DCC: variants seen among roughly 807,000 people sequenced by gnomAD.
DCC encodes DCC netrin 1 receptor.
A neutral mutation model predicts 172.5 loss-of-function variants in DCC; 58 were observed. That is an observed-to-expected ratio of 0.34 (90% CI 0.27 to 0.42). The LOEUF is 0.42. Ranked by LOEUF, DCC falls within the 10% of genes least tolerant of loss-of-function variation. DCC has a pLI of 1.00. For synonymous variants in DCC, 709 were observed against 644.5 expected (o/e 1.10, Z -1.52); for missense variants, 1,740 against 1,791.0 (o/e 0.97, Z 0.51).
At chr18:53,455,694 C>T (rs1291922552) in intron 23 of DCC, among the ~76,000 whole-genome samples, 1 of 152,100 alleles carries the variant, frequency 6.6e-6, no homozygotes, top group Non-Finnish European at 1.5e-5. Context: ...TGCAATTTCC[C>T]ACTGACTTCT....
At chr18:53,163,583 G>A (rs559491078) in intron 8 of DCC, among the ~76,000 whole-genome samples, 5 of 152,222 alleles carry the variant, frequency 3.3e-5, no homozygotes, top group African/African-American at 7.2e-5. Context: ...AGATCATCAC[G>A]AATCTTTCTG....
intron 2 of DCC, among the ~76,000 whole-genome samples, chr18:52,889,212 A>G (rs1453002274): frequency 6.6e-6 from 1 of 152,082 alleles, no homozygotes; most frequent in Non-Finnish European, 1.5e-5. Flanking sequence ...TCTTTCATAA[A>G]AGGAAATGAT....
chr18:52,815,416 A>T (rs1598831358), intron 2 of DCC, among the ~76,000 whole-genome samples: 1 of 28,508 alleles, frequency 3.5e-5, no homozygotes, highest in Non-Finnish European at 1.1e-4. Context: ...ACACGTACAC[A>T]CACACACACA....
At chr18:53,519,708 A>G (rs1338975310) in intron 27 of DCC, among the ~76,000 whole-genome samples, 1 of 152,074 alleles carries the variant, frequency 6.6e-6, no homozygotes, top group Non-Finnish European at 1.5e-5. Context: ...AAGTTCTATG[A>G]AAAGCGTTCA....
At chr18:52,415,991 C>G (rs1402995504) in intron 1 of DCC, among the ~76,000 whole-genome samples, 1 of 151,950 alleles carries the variant, frequency 6.6e-6, no homozygotes, top group Non-Finnish European at 1.5e-5. Context: ...ATCTTTCCTG[C>G]TTTCTCTTGT....
chr18:52,624,537 C>A (rs2034537211), intron 1 of DCC, among the ~76,000 whole-genome samples: 1 of 152,138 alleles, frequency 6.6e-6, no homozygotes, highest in Non-Finnish European at 1.5e-5. Flanking sequence ...GAGTAGTTTT[C>A]AAGAATCACA....
chr18:52,938,283 A>C (rs1437738582), intron 5 of DCC, among the ~76,000 whole-genome samples: 2 of 152,282 alleles, frequency 1.3e-5, no homozygotes, highest in East Asian at 3.9e-4. Context: ...TTAATTAAGC[A>C]AGACAGTGAG....
chr18:53,517,443 T>TATAATAATAATAATA (rs71179517), intron 27 of DCC, among the ~76,000 whole-genome samples: 78 of 142,502 alleles, frequency 5.5e-4, no homozygotes, highest in African/African-American at 1.9e-3. Context: ...AAACTTAAAA[T>TATAATAATAATAATA]ATAATAATAA....
chr18:52,752,317 G>A lies in DCC; in HGVS notation c.355G>A (p.Ala119Thr). 6.2e-7 allele frequency: 1 copy of A among 1,614,152 alleles called. No homozygotes were observed. The highest frequency in any genetic ancestry group is 8.5e-7 in the Non-Finnish European group (1 of 1,180,012). ...KPDEGLYQCE[A>T]SLGDSGSIIS... ...AGATGAGGGACTTTACCAATGTGAG[G>A]CATCTTTAGGAGATTCTGGCTCAAT... The change falls in exon 2 of 29, where the codon GCA becomes ACA. Residue 119 changes from alanine to threonine, a missense_variant. Transcript: ENST00000442544.
At chr18:52,433,709 A>G (rs1288254149) in intron 1 of DCC, among the ~76,000 whole-genome samples, 1 of 152,164 alleles carries the variant, frequency 6.6e-6, no homozygotes, top group African/African-American at 2.4e-5. Flanking sequence ...TTTAAATGTA[A>G]CTCTGGATTC....
At chr18:52,621,223 T>C (rs2034472911) in intron 1 of DCC, among the ~76,000 whole-genome samples, 1 of 152,216 alleles carries the variant, frequency 6.6e-6, no homozygotes, top group Admixed American at 6.5e-5. Context: ...TTCAGCAAAC[T>C]GAATTAATCG....
intron 12 of DCC, chr18:53,237,142 T>C (rs543845381): frequency 2.0e-4 from 30 of 153,198 alleles, no homozygotes; most frequent in Middle Eastern, 9.7e-4. Flanking sequence ...ATGATCATTA[T>C]ATGTATGATG....
intron 5 of DCC, among the ~76,000 whole-genome samples, chr18:52,959,946 T>C (rs1202452938): frequency 6.6e-6 from 1 of 152,102 alleles, no homozygotes; most frequent in Non-Finnish European, 1.5e-5. Context: ...TCTTCGAAAC[T>C]TTGATTTTTT....
At chr18:53,264,987 T>G (rs977340450) in intron 12 of DCC, among the ~76,000 whole-genome samples, 3 of 152,214 alleles carry the variant, frequency 2.0e-5, no homozygotes, top group African/African-American at 7.2e-5. Flanking sequence ...ATTCAGTGTT[T>G]GCTGAGTGTT....
chr18:53,001,204 A>C (rs1422946131), intron 5 of DCC, among the ~76,000 whole-genome samples: 1 of 152,084 alleles, frequency 6.6e-6, no homozygotes, highest in African/African-American at 2.4e-5. Flanking sequence ...TGGACATTAC[A>C]TAAGAATATT....
In DCC at chr18:52,346,941, C is replaced by A. The variant is rs1264531332; in HGVS notation, c.91+6063C>A. Among the ~76,000 whole-genome samples the A allele has an allele frequency of 2.6e-5, 4 of 152,134 alleles. No homozygotes were observed. In the East Asian group the frequency reaches 7.7e-4, roughly 29 times the overall value. ...CACCATGGCCCTCCAGGGAGGAAGA[C>A]CCTTTAAAACCATTTGTGGTTATGA... On this transcript the variant is annotated intron_variant, in intron 1 of 28. Transcript: ENST00000442544.
chr18:52,894,129 C>T (rs979819140), intron 2 of DCC, among the ~76,000 whole-genome samples: 2 of 152,206 alleles, frequency 1.3e-5, no homozygotes, highest in Middle Eastern at 3.4e-3. Flanking sequence ...CAGCCATAGT[C>T]CACCATTTCT....
chr18:53,206,332 CATATAT>C (rs2055635357), intron 10 of DCC, among the ~76,000 whole-genome samples: 1 of 81,320 alleles, frequency 1.2e-5, no homozygotes, highest in Non-Finnish European at 2.3e-5. Context: ...TATTGTAACA[CATATAT>C]GTATATATGT....
chr18:52,524,126 A>G (rs1290050054), intron 1 of DCC, among the ~76,000 whole-genome samples: 1 of 152,226 alleles, frequency 6.6e-6, no homozygotes, highest in Non-Finnish European at 1.5e-5. Flanking sequence ...GATAAAAATT[A>G]TAATTTCAAC....
Sources: allele counts gnomAD v4.1 joint callset (sites outside exome capture counted in the v4.1 genomes callset), GRCh38; gene constraint gnomAD v4.1.1; transcripts MANE v1.5; gene names NCBI Gene and HGNC (gene_info 2026-07-23, HGNC 2026-07-21).